Variants in ZFPM2 observed in about 807,000 individuals in gnomAD.
The protein encoded by ZFPM2 is zinc finger protein, FOG family member 2.
ZFPM2 carries 20 observed loss-of-function variants against 98.6 expected under a neutral mutation model. The observed-to-expected ratio is 0.20, with a 90% confidence interval of 0.14 to 0.29. The LOEUF (loss-of-function observed/expected upper bound fraction) is 0.29, where lower values mean the gene tolerates loss of function less well. Among genes scored for constraint, ZFPM2 ranks in the 10% least tolerant of loss-of-function variants. The pLI is 1.00. For missense variants in ZFPM2, 1,310 were observed against 1,388.6 expected, an observed-to-expected ratio of 0.94 and a Z score of 0.90; for synonymous variants, 518 against 502.7, an observed-to-expected ratio of 1.03 and a Z score of -0.41.
At chr8:105,795,531 A>G (rs550888160) in intron 6 of ZFPM2, among the ~76,000 whole-genome samples, 1 of 152,104 alleles carries the variant, frequency 6.6e-6, no homozygotes, top group African/African-American at 2.4e-5. Flanking sequence ...ACGAAATCAA[A>G]GTTTGATTAG....
chr8:105,343,680 G>A (rs529401229), intron 1 of ZFPM2, among the ~76,000 whole-genome samples: 1 of 152,210 alleles, frequency 6.6e-6, no homozygotes, highest in South Asian at 2.1e-4. Flanking sequence ...TGGAAGCATG[G>A]AAGCGAAGGT....
At chr8:105,453,840 G>A (rs948948231) in intron 3 of ZFPM2, among the ~76,000 whole-genome samples, 1 of 151,834 alleles carries the variant, frequency 6.6e-6, no homozygotes, top group African/African-American at 2.4e-5. Flanking sequence ...AGCCAGGCTA[G>A]TCTCAAACTC....
At chr8:105,458,248 G>C (rs189390789) in intron 3 of ZFPM2, among the ~76,000 whole-genome samples, 1 of 152,114 alleles carries the variant, frequency 6.6e-6, no homozygotes, top group Non-Finnish European at 1.5e-5. Flanking sequence ...TTAATACAAG[G>C]TCACATACAA....
In ZFPM2 at chr8:105,801,515, G is replaced by C. The variant is rs759717618; in HGVS notation, c.1433G>C (p.Arg478Thr). ...ATAAAGTCTGAGCCCTCTAGCCCAA[G>C]ACTTGCCTCATCTCCAGTTCAGCCT... is the stretch of plus-strand genomic sequence containing the variant. ...TKIKSEPSSP[R>T]LASSPVQPNI... The change falls in exon 8 of 8, where the codon AGA becomes ACA. Residue 478 changes from arginine (R) to threonine (T), a missense_variant. Physicochemically the swap from Arg to Thr is moderately conservative, Grantham distance 71. Coordinates refer to ENST00000407775, the MANE Select transcript of ZFPM2 (RefSeq NM_012082.4). 3 of 1,613,926 alleles carry C rather than the reference G, an allele frequency of 1.9e-6. No individual in the cohort carries two copies. Among genetic ancestry groups the C allele is most frequent in the Non-Finnish European group, 2.5e-6 (3 of 1,179,862 alleles).
chr8:105,780,470 C>T (rs1586258614), intron 5 of ZFPM2: 1 of 152,224 alleles, frequency 6.6e-6, no homozygotes, highest in East Asian at 1.9e-4. Context: ...CCAAGTTCCT[C>T]ACTGGCTTAT....
intron 1 of ZFPM2, among the ~76,000 whole-genome samples, chr8:105,322,123 G>A (rs555183568): frequency 6.6e-6 from 1 of 152,114 alleles, no homozygotes; most frequent in Non-Finnish European, 1.5e-5. Flanking sequence ...GTTTGGTGTG[G>A]GAGCCATATC....
intron 3 of ZFPM2, among the ~76,000 whole-genome samples, chr8:105,532,404 A>G (rs1022862439): frequency 6.6e-6 from 1 of 152,188 alleles, no homozygotes; most frequent in African/African-American, 2.4e-5. Context: ...TGTTTCTGCC[A>G]TCAAGTAGTA....
At chr8:105,728,154 A>C (rs748110040) in intron 5 of ZFPM2, among the ~76,000 whole-genome samples, 12 of 151,666 alleles carry the variant, frequency 7.9e-5, no homozygotes, top group Non-Finnish European at 1.3e-4. Context: ...TAGAGAAGGT[A>C]TTGTAATTGT....
chr8:105,755,572 G>A (rs1337120630), intron 5 of ZFPM2, among the ~76,000 whole-genome samples: 1 of 151,998 alleles, frequency 6.6e-6, no homozygotes, highest in African/African-American at 2.4e-5. Flanking sequence ...GGGTAGAAGA[G>A]GCTTAATCTT....
intron 5 of ZFPM2, among the ~76,000 whole-genome samples, chr8:105,638,867 A>G (rs1163807465): frequency 6.6e-6 from 1 of 152,092 alleles, no homozygotes; most frequent in African/African-American, 2.4e-5. Flanking sequence ...CTTGTTTTAT[A>G]AAAATTTTTA....
intron 1 of ZFPM2, among the ~76,000 whole-genome samples, chr8:105,417,591 G>T (rs920734032): frequency 2.6e-5 from 4 of 151,896 alleles, no homozygotes; most frequent in Admixed American, 1.3e-4. Context: ...ATGGTTTAAG[G>T]ATTGTAATAT....
chr8:105,612,307 A>G (rs759915907), intron 4 of ZFPM2, among the ~76,000 whole-genome samples: 1 of 152,150 alleles, frequency 6.6e-6, no homozygotes, highest in Non-Finnish European at 1.5e-5. Flanking sequence ...GCTATTACGC[A>G]TTATAAAAGT....
At chr8:105,647,974 A>G (rs1317624746) in intron 5 of ZFPM2, among the ~76,000 whole-genome samples, 1 of 152,172 alleles carries the variant, frequency 6.6e-6, no homozygotes, top group Non-Finnish European at 1.5e-5. Flanking sequence ...CAATGGTTGA[A>G]CCAGTTTAGA....
At chr8:105,508,850 G>GGAA (rs1813755766) in intron 3 of ZFPM2, among the ~76,000 whole-genome samples, 1 of 124,828 alleles carries the variant, frequency 8.0e-6, no homozygotes, top group African/African-American at 3.8e-5. Context: ...GATTTTTTTT[G>GGAA]AAAAAAAAAA....
intron 1 of ZFPM2, among the ~76,000 whole-genome samples, chr8:105,374,454 T>C (rs1218319107): frequency 1.3e-5 from 2 of 151,726 alleles, no homozygotes; most frequent in Non-Finnish European, 2.9e-5. Flanking sequence ...CAGGCTGGAG[T>C]TCAGTGGCAC....
chr8:105,671,413 A>G (rs1449562042), intron 5 of ZFPM2, among the ~76,000 whole-genome samples: 1 of 151,910 alleles, frequency 6.6e-6, no homozygotes, highest in East Asian at 1.9e-4. Flanking sequence ...ATCAATTTAA[A>G]CTAATAATTA....
chr8:105,580,158 AAAG>A (rs1815556887), intron 4 of ZFPM2, among the ~76,000 whole-genome samples: 1 of 152,176 alleles, frequency 6.6e-6, no homozygotes, highest in Non-Finnish European at 1.5e-5. Context: ...GGTCGAATTG[AAAG>A]AAGGACTGGC....
chr8:105,747,067 A>G (rs1284089501), intron 5 of ZFPM2, among the ~76,000 whole-genome samples: 1 of 152,104 alleles, frequency 6.6e-6, no homozygotes, highest in Non-Finnish European at 1.5e-5. Context: ...TATAAACACA[A>G]GGAAATATAA....
intron 5 of ZFPM2, among the ~76,000 whole-genome samples, chr8:105,646,631 A>T (rs2130859978): frequency 6.6e-6 from 1 of 152,228 alleles, no homozygotes; most frequent in Non-Finnish European, 1.5e-5. Flanking sequence ...TTTGCATAGA[A>T]TCATAGGCTG....
Sources: gnomAD v4.1 joint callset for allele counts (sites outside exome capture counted in the v4.1 genomes callset) on GRCh38, gnomAD v4.1.1 for gene constraint, MANE v1.5 for transcripts, NCBI Gene and HGNC (gene_info 2026-07-23, HGNC 2026-07-21) for gene names.